The following FOXK1 variants were observed in gnomAD, a reference collection of about 807,000 sequenced individuals.
FOXK1 encodes the protein forkhead box protein K1.
A neutral mutation model predicts 51.9 loss-of-function variants in FOXK1; 19 were observed. The observed-to-expected ratio is 0.37, with a 90% confidence interval of 0.26 to 0.54. FOXK1 has a LOEUF of 0.54. Among genes scored for constraint, FOXK1 ranks in the 20% least tolerant of loss-of-function variants. FOXK1 has a pLI of 0.87. For synonymous variants in FOXK1, 537 were observed against 482.6 expected (o/e 1.11, Z -1.48); for missense variants, 870 against 1,032.7 (o/e 0.84, Z 2.16).
At chr7:4,704,486 T>C (rs999570795) in intron 1 of FOXK1, among the ~76,000 whole-genome samples, 7 of 149,040 alleles carry the variant, frequency 4.7e-5, no homozygotes, top group African/African-American at 1.7e-4. Flanking sequence ...AAAGGAAACA[T>C]TCCTTTCATC....
rs1780042123 is a variant in FOXK1 at position 4,703,231 on chromosome 7, G to A, written c.560+20363G>A. ...AGGTCTAAGTTACAGGCAGGAGCTG[G>A]CAATGAGGAGTCAGGGAGACAGACC... On this transcript the variant is annotated intron_variant, in intron 1 of 8. Coordinates refer to ENST00000328914, the MANE Select transcript of FOXK1 (RefSeq NM_001037165.2). This position sits in a 1 kb window ranked among gnomAD's most constrained non-coding sequence, Gnocchi z 5.6. Among the ~76,000 whole-genome samples the A allele has an allele frequency of 6.6e-6, 1 of 152,236 alleles. No homozygotes were observed. The highest frequency in any genetic ancestry group is 3.4e-3 in the Middle Eastern group (1 of 294).
chr7:4,770,987 A>C lies in FOXK1; in HGVS notation c.*8523A>C, dbSNP rs899222164. 6.6e-6 allele frequency: 1 copy of C among 151,800 alleles called. No homozygotes were observed. Among genetic ancestry groups the C allele is most frequent in the Admixed American group, 6.6e-5 (1 of 15,176 alleles). 9.4% of individuals were successfully genotyped at this position (151,800 alleles called of 1,614,324 possible). On this transcript the variant is annotated 3_prime_UTR_variant, in exon 9 of 9. Coordinates refer to ENST00000328914, the MANE Select transcript of FOXK1 (RefSeq NM_001037165.2). The stretch of plus-strand genomic sequence containing the variant: ...GTGCTTTAAAAAGCAGCAGTGTCCT[A>C]TGAAGTGGAAATGTCAGTTCTAGAG...
At chr7:4,685,221 C>CTTTTTTTTTTTTTTTTTT (rs55891300) in intron 1 of FOXK1, among the ~76,000 whole-genome samples, 2 of 102,616 alleles carry the variant, frequency 1.9e-5, no homozygotes, top group African/African-American at 3.5e-5. Context: ...GAGCTATTTG[C>CTTTTTTTTTTTTTTTTTT]TTTTTTTTTT....
rs749009769 is a variant in FOXK1 at position 4,715,970 on chromosome 7, G to A, written c.561-24868G>A. ...ACCTCAGTCAGGCGCAGTGGTTCACGCCTGTAATCCCAGCACTTTGGGAGG... is the reference window on the plus strand; with the variant it reads ...ACCTCAGTCAGGCGCAGTGGTTCACACCTGTAATCCCAGCACTTTGGGAGG... On this transcript the variant is annotated intron_variant, in intron 1 of 8. Transcript: ENST00000328914. The surrounding 1 kb of genome is among the most constrained non-coding windows in gnomAD (Gnocchi z 4.5). 1.3e-5 allele frequency among the ~76,000 whole-genome samples: 2 copies of A among 152,188 alleles called. No homozygotes were observed. Among genetic ancestry groups the A allele is most frequent in the Non-Finnish European group, 2.9e-5 (2 of 68,044 alleles).
At chr7:4,713,446 C>T (rs972916011) in intron 1 of FOXK1, among the ~76,000 whole-genome samples, 21 of 151,630 alleles carry the variant, frequency 1.4e-4, no homozygotes, top group African/African-American at 3.2e-4. Flanking sequence ...GAAAGCCCTG[C>T]GAGGTCAGCT....
At chr7:4,754,685 G>C (rs560450845) in intron 3 of FOXK1, 70 bp downstream of exon 3, 1 of 1,522,874 alleles carries the variant, frequency 6.6e-7, no homozygotes, top group African/African-American at 1.4e-5. Context: ...CGGCGCGGGC[G>C]GCACAGACAG....
rs114953412 is a variant in FOXK1 at position 4,742,010 on chromosome 7, T to G, written c.746+987T>G. Among the ~76,000 whole-genome samples, 527 of 152,360 alleles carry G rather than the reference T, an allele frequency of 3.5e-3. 3 individuals are homozygous for G. The highest frequency in any genetic ancestry group is 0.012 in the African/African-American group (506 of 41,586). On this transcript the variant is annotated intron_variant, in intron 2 of 8. Transcript: ENST00000328914. Reference sequence around the variant, plus strand: ...TGATTTACCTCTTCATTGCGGACATTTCTAAACGTGGCTGGCTTTTCTCTC... The same window carrying G: ...TGATTTACCTCTTCATTGCGGACATGTCTAAACGTGGCTGGCTTTTCTCTC...
chr7:4,721,580 CT>C (rs908969302), intron 1 of FOXK1, among the ~76,000 whole-genome samples: 2 of 135,694 alleles, frequency 1.5e-5, no homozygotes, highest in African/African-American at 5.8e-5. Flanking sequence ...TTTTCTTTTT[CT>C]TTTTTTTCTT....
Position 4,740,825 on chromosome 7 carries a change from CCT to C in FOXK1, c.561-11_561-10del. 1 of 1,589,830 alleles carries C rather than the reference CCT, an allele frequency of 6.3e-7. No individual in the cohort carries two copies. The highest frequency in any genetic ancestry group is 8.5e-7 in the Non-Finnish European group (1 of 1,169,852). The stretch of plus-strand genomic sequence containing the variant: ...CCTCCTGCACCTCACACCCGCTCCT[CCT>C]CCTGTTGCAGGTGTACCTTCCGGTT... On this transcript the variant is annotated splice_polypyrimidine_tract_variant and intron_variant, in intron 1 of 8. Coordinates refer to ENST00000328914, the MANE Select transcript of FOXK1 (RefSeq NM_001037165.2).
intron 2 of FOXK1, 136 bp downstream of exon 2, chr7:4,741,159 G>A (rs1273389227): frequency 3.2e-5 from 19 of 597,314 alleles, no homozygotes; most frequent in Middle Eastern, 8.8e-4. Context: ...AGTGTTGTAC[G>A]TCCATCCGGG....
chr7:4,710,224 T>C (rs1250714827), intron 1 of FOXK1, among the ~76,000 whole-genome samples: 1 of 152,230 alleles, frequency 6.6e-6, no homozygotes, highest in Admixed American at 6.5e-5. Context: ...AAATGCCTGC[T>C]TCCTTTCTAA....
rs987157889 is a variant in FOXK1, at chr7:4,734,660, C to T, written c.561-6178C>T. On this transcript the variant is annotated intron_variant, in intron 1 of 8. Coordinates refer to ENST00000328914, the MANE Select transcript of FOXK1 (RefSeq NM_001037165.2). The surrounding 1 kb of genome is among the most constrained non-coding windows in gnomAD (Gnocchi z 5.2). ...CAGGAAGGCTGGGTCTCAGGCTTTTCTCCTGCGCCATTGTCTGCTGATAGC... is the reference window on the plus strand; with the variant it reads ...CAGGAAGGCTGGGTCTCAGGCTTTTTTCCTGCGCCATTGTCTGCTGATAGC... 6.6e-6 allele frequency among the ~76,000 whole-genome samples: 1 copy of T among 152,196 alleles called. No individual in the cohort carries two copies. Among genetic ancestry groups the T allele is most frequent in the African/African-American group, 2.4e-5 (1 of 41,454 alleles).
chr7:4,742,235 G>C (rs1164911904), intron 2 of FOXK1, among the ~76,000 whole-genome samples: 2 of 152,198 alleles, frequency 1.3e-5, no homozygotes, highest in Non-Finnish European at 2.9e-5. Flanking sequence ...AGGGGCTCAG[G>C]GCCCTCGGGG....
chr7:4,695,573 G>A (rs1237559697), intron 1 of FOXK1, among the ~76,000 whole-genome samples: 1 of 152,086 alleles, frequency 6.6e-6, no homozygotes, highest in Non-Finnish European at 1.5e-5. Flanking sequence ...GGGAGGCCAG[G>A]GTGAGAGGAT....
At chr7:4,740,691 G>C in intron 1 of FOXK1, 147 bp from the exon 2 acceptor site, 2 of 708,478 alleles carry the variant, frequency 2.8e-6, no homozygotes, top group Non-Finnish European at 4.7e-6. Context: ...TAAGTGTCCT[G>C]ATAAAAGCAT....
At chr7:4,693,936 A>G (rs1779922481) in intron 1 of FOXK1, among the ~76,000 whole-genome samples, 1 of 152,218 alleles carries the variant, frequency 6.6e-6, no homozygotes, top group South Asian at 2.1e-4. Flanking sequence ...GCTGGAGTAC[A>G]GTGGCATGAT....
chr7:4,754,677 G>T, intron 3 of FOXK1, 62 bp downstream of exon 3: 1 of 1,540,898 alleles, frequency 6.5e-7, no homozygotes, highest in Middle Eastern at 2.1e-4. Flanking sequence ...TAGTGACCCG[G>T]CGCGGGCGGC....
In FOXK1 at chr7:4,723,633, G is replaced by T. The variant is rs1257422389; in HGVS notation, c.561-17205G>T. ...ACCGAGCGTGGAGAGTTGCAGCAGT[G>T]CAGGAAGCTTTTCCTTTCTCTCAAA... On this transcript the variant is annotated intron_variant, in intron 1 of 8. Coordinates refer to ENST00000328914, the MANE Select transcript of FOXK1 (RefSeq NM_001037165.2). This position sits in a 1 kb window ranked among gnomAD's most constrained non-coding sequence, Gnocchi z 4.7. Among the ~76,000 whole-genome samples the T allele has an allele frequency of 6.6e-6, 1 of 152,148 alleles. No homozygotes were observed. The highest frequency in any genetic ancestry group is 2.4e-5 in the African/African-American group (1 of 41,428).
At position 4,701,786 on chromosome 7, in the gene FOXK1, G is replaced by A. The variant is rs185101408; in HGVS notation, c.560+18918G>A. ...CGGGCGCCTGTAGTCCCAGCTACTCGGGAGGCTGAGGCAGGAGAATGGTGG... is the reference window on the plus strand; with the variant it reads ...CGGGCGCCTGTAGTCCCAGCTACTCAGGAGGCTGAGGCAGGAGAATGGTGG... On this transcript the variant is annotated intron_variant, in intron 1 of 8. Coordinates refer to ENST00000328914, the MANE Select transcript of FOXK1 (RefSeq NM_001037165.2). 4.8e-3 allele frequency among the ~76,000 whole-genome samples: 738 copies of A among 152,338 alleles called. 11 individuals are homozygous for A. Among genetic ancestry groups the A allele is most frequent in the African/African-American group, 0.017 (694 of 41,580 alleles).
Sources: allele counts gnomAD v4.1 joint callset (sites outside exome capture counted in the v4.1 genomes callset), GRCh38; gene constraint gnomAD v4.1.1; non-coding constraint Gnocchi (gnomAD v3.1); transcripts MANE v1.5; gene names NCBI Gene and HGNC (gene_info 2026-07-23, HGNC 2026-07-21).